Variants in TBCK observed in about 807,000 individuals in gnomAD.
TBCK encodes TBC1 domain containing kinase, also known as TBC domain-containing protein kinase-like protein.
Under a neutral mutation model 113.4 loss-of-function variants are expected in TBCK, and 99 were observed. That is an observed-to-expected ratio of 0.87 (90% confidence interval 0.74 to 1.03). The LOEUF (loss-of-function observed/expected upper bound fraction) is 1.03. Among genes scored for constraint, TBCK ranks in the 50% least tolerant of loss-of-function variants. TBCK has a pLI of 0.00. For missense variants in TBCK, 1,045 were observed against 1,061.3 expected, an observed-to-expected ratio of 0.98 and a Z score of 0.21; for synonymous variants, 369 against 370.8, an observed-to-expected ratio of 1.00 and a Z score of 0.05.
intron 22 of TBCK, among the ~76,000 whole-genome samples, chr4:106,173,258 C>T (rs1181955265): frequency 6.6e-6 from 1 of 152,102 alleles, no homozygotes; most frequent in African/African-American, 2.4e-5. Flanking sequence ...AATACAAACA[C>T]AAACTAGAAG....
At chr4:106,093,779 CAT>C (rs761445610) in intron 25 of TBCK, among the ~76,000 whole-genome samples, 12 of 152,072 alleles carry the variant, frequency 7.9e-5, no homozygotes, top group Non-Finnish European at 1.8e-4. Flanking sequence ...ATGCCTATGA[CAT>C]GTTTACCTAT....
chr4:106,280,604 T>G (rs1764490805), intron 3 of TBCK, among the ~76,000 whole-genome samples: 1 of 152,164 alleles, frequency 6.6e-6, no homozygotes, highest in Admixed American at 6.5e-5. Flanking sequence ...TTTGAATTTT[T>G]GTTTATGTTG....
chr4:106,110,549 A>T (rs1158734029), intron 24 of TBCK, among the ~76,000 whole-genome samples: 1 of 152,228 alleles, frequency 6.6e-6, no homozygotes, highest in Admixed American at 6.5e-5. Flanking sequence ...CGCAGGCTCA[A>T]TTAAGAGACC....
intron 24 of TBCK, among the ~76,000 whole-genome samples, chr4:106,109,132 CACAA>C (rs1244070123): frequency 1.3e-5 from 2 of 151,978 alleles, no homozygotes; most frequent in Non-Finnish European, 2.9e-5. Flanking sequence ...TCAGAGAAGA[CACAA>C]ACAAATGGAA....
intron 25 of TBCK, among the ~76,000 whole-genome samples, chr4:106,087,741 C>T (rs954830189): frequency 2.4e-4 from 36 of 152,076 alleles, no homozygotes; most frequent in African/African-American, 7.7e-4. Context: ...ACCAACGGAG[C>T]AGGACCAACA....
intron 25 of TBCK, among the ~76,000 whole-genome samples, chr4:106,094,288 T>A (rs1252253398): frequency 6.6e-6 from 1 of 152,104 alleles, no homozygotes; most frequent in African/African-American, 2.4e-5. Flanking sequence ...GATGGGAGGG[T>A]TACCTTTAGC....
At chr4:106,124,785 G>C (rs900302367) in intron 23 of TBCK, among the ~76,000 whole-genome samples, 8 of 151,880 alleles carry the variant, frequency 5.3e-5, no homozygotes, top group Non-Finnish European at 1.0e-4. Context: ...CTCACTCATA[G>C]GTGGGAACTG....
intron 22 of TBCK, among the ~76,000 whole-genome samples, chr4:106,178,359 TG>T: frequency 6.6e-6 from 1 of 152,004 alleles, no homozygotes; most frequent in Admixed American, 6.6e-5. Flanking sequence ...AGTACTCTGT[TG>T]AATAAAAGTA....
rs1448542756 is a variant in TBCK at position 106,041,714 on chromosome 4, A to G, written c.*4856T>C. ...TCCTCTGAAAGGAATGAGAAAGGAT[A>G]TTAAAGAATAACAACTTAAAAGGAG... On this transcript the variant is annotated 3_prime_UTR_variant, in exon 26 of 26. Coordinates refer to ENST00000394708, the MANE Select transcript of TBCK (RefSeq NM_001163435.3). The G allele has an allele frequency of 6.6e-6, 1 of 152,230 alleles. No individual in the cohort carries two copies. Among genetic ancestry groups the G allele is most frequent in the Non-Finnish European group, 1.5e-5 (1 of 68,038 alleles). The allele number at this position is 152,230 out of a possible 1,614,324, so 9.4% of individuals were successfully genotyped here.
intron 23 of TBCK, among the ~76,000 whole-genome samples, chr4:106,143,685 C>A (rs775705663): frequency 6.6e-6 from 1 of 152,024 alleles, no homozygotes; most frequent in South Asian, 2.1e-4. Flanking sequence ...GAGGCCAAGG[C>A]GGGCGGACCA....
intron 25 of TBCK, among the ~76,000 whole-genome samples, chr4:106,090,055 G>T (rs1740029710): frequency 6.6e-6 from 1 of 152,194 alleles, no homozygotes; most frequent in Non-Finnish European, 1.5e-5. Context: ...CATTGGCACT[G>T]CCCTAGTATA....
intron 3 of TBCK, among the ~76,000 whole-genome samples, chr4:106,278,498 G>A (rs1764239981): frequency 7.1e-6 from 1 of 140,390 alleles, no homozygotes; most frequent in Non-Finnish European, 1.5e-5. Flanking sequence ...GGCAGAGGTT[G>A]CAGTGAGCCC....
chr4:106,237,369 G>A (rs1195154830), intron 12 of TBCK: 11 of 334,640 alleles, frequency 3.3e-5, no homozygotes, highest in Non-Finnish European at 6.6e-5. Context: ...AATAAATGTT[G>A]TTCCAAATAA....
intron 3 of TBCK, among the ~76,000 whole-genome samples, chr4:106,272,153 A>G (rs907614644): frequency 6.6e-6 from 1 of 151,792 alleles, no homozygotes; most frequent in Non-Finnish European, 1.5e-5. Flanking sequence ...CAAAGTTTAA[A>G]CCCCTGGGCT....
At chr4:106,254,261 C>A (rs1387812884) in intron 5 of TBCK, among the ~76,000 whole-genome samples, 1 of 152,202 alleles carries the variant, frequency 6.6e-6, no homozygotes, top group East Asian at 1.9e-4. Context: ...TGGTTGTTTA[C>A]AAGCACAGTA....
intron 20 of TBCK, among the ~76,000 whole-genome samples, chr4:106,196,486 G>T (rs1754252413): frequency 6.6e-6 from 1 of 151,894 alleles, no homozygotes; most frequent in East Asian, 1.9e-4. Context: ...GGTGCATATT[G>T]TCTTTGCATT....
intron 20 of TBCK, among the ~76,000 whole-genome samples, chr4:106,207,561 AAT>A (rs759565958): frequency 9.2e-5 from 14 of 152,208 alleles, no homozygotes; most frequent in Non-Finnish European, 1.6e-4. Flanking sequence ...ATACAACTAA[AAT>A]ATGTTATTAA....
intron 22 of TBCK, among the ~76,000 whole-genome samples, chr4:106,180,648 T>G (rs1169669393): frequency 6.6e-6 from 1 of 152,086 alleles, no homozygotes; most frequent in African/African-American, 2.4e-5. Flanking sequence ...GTTTTCTATC[T>G]TGTGATAATT....
At chr4:106,148,623 G>A (rs1043965088) in intron 23 of TBCK, among the ~76,000 whole-genome samples, 9 of 152,206 alleles carry the variant, frequency 5.9e-5, no homozygotes, top group African/African-American at 1.9e-4. Flanking sequence ...TGAGCAGTAG[G>A]TCTAAATAGT....
Sources: allele counts gnomAD v4.1 joint callset (sites outside exome capture counted in the v4.1 genomes callset), GRCh38; gene constraint gnomAD v4.1.1; transcripts MANE v1.5; gene names NCBI Gene and HGNC (gene_info 2026-07-23, HGNC 2026-07-21).